CRACD: variants seen among roughly 807,000 people sequenced by gnomAD.
The protein encoded by CRACD is capping protein inhibiting regulator of actin dynamics.
A neutral mutation model predicts 106.8 loss-of-function variants in CRACD; 56 were observed. The observed-to-expected ratio is 0.52, with a 90% confidence interval of 0.42 to 0.66. CRACD has a LOEUF of 0.66. Among genes scored for constraint, CRACD ranks in the 30% least tolerant of loss-of-function variants. The probability of loss-of-function intolerance (pLI) is 0.00; values close to 1 mark genes in which losing one functional copy is unlikely to be tolerated. For missense variants in CRACD, 1,730 were observed against 1,623.2 expected, an observed-to-expected ratio of 1.07 and a Z score of -1.13; for synonymous variants, 754 against 670.8, an observed-to-expected ratio of 1.12 and a Z score of -1.92.
In CRACD at chr4:56,261,358, C is replaced by CT. The variant is rs527665539; in HGVS notation, c.-188-10961dup. On this transcript the variant is annotated intron_variant, in intron 2 of 10. Transcript: ENST00000682029. ...TCCGCCTCTGTTACTGCTTCTTCTT[C>CT]TTCTTTTTTTTTTTTTTGAGACAGA... 1.7e-3 allele frequency among the ~76,000 whole-genome samples: 187 copies of CT among 112,770 alleles called. 9 individuals are homozygous for CT. Among genetic ancestry groups the CT allele is most frequent in the Middle Eastern group, 5.6e-3 (1 of 180 alleles). The allele number at this position is 112,770 out of a possible 152,430, so 74.0% of individuals were successfully genotyped here.
Position 56,328,170 on chromosome 4 carries a change from G to C in CRACD, c.*366G>C. The C allele has an allele frequency of 2.6e-6, 1 of 389,650 alleles. No individual in the cohort carries two copies. Among genetic ancestry groups the C allele is most frequent in the Non-Finnish European group, 5.0e-6 (1 of 198,874 alleles). The allele number at this position is 389,650 out of a possible 1,614,324, so 24.1% of individuals were successfully genotyped here. ...GTACTTTTGCCAACCTTTGGTAATGGTTTTTTGATTCTATGCACTAATTTT... is the reference window on the plus strand; with the variant it reads ...GTACTTTTGCCAACCTTTGGTAATGCTTTTTTGATTCTATGCACTAATTTT... On this transcript the variant is annotated 3_prime_UTR_variant, in exon 11 of 11. Transcript: ENST00000682029.
At position 56,326,785 on chromosome 4, in the gene CRACD, G is replaced by C. The variant is rs144267739; in HGVS notation, c.3542-859G>C. Among the ~76,000 whole-genome samples the C allele has an allele frequency of 3.4e-5, 5 of 148,390 alleles. No homozygotes were observed. The East Asian group carries it at 5.9e-4, about 18-fold the overall frequency. On this transcript the variant is annotated intron_variant, in intron 10 of 10. Coordinates refer to ENST00000682029, the MANE Select transcript of CRACD (RefSeq NM_001393381.1). ...AGCAGAGTCTCTCTCTGTCACCCATGCTGGAGTGCAGTGGTGCGATGTCGA... is the reference window on the plus strand; with the variant it reads ...AGCAGAGTCTCTCTCTGTCACCCATCCTGGAGTGCAGTGGTGCGATGTCGA...
chr4:56,242,982 G>A (rs1341680038), intron 2 of CRACD, among the ~76,000 whole-genome samples: 1 of 152,172 alleles, frequency 6.6e-6, no homozygotes, highest in Admixed American at 6.5e-5. Context: ...AAATCCTGTA[G>A]ATACTGTCAT....
intron 2 of CRACD, among the ~76,000 whole-genome samples, chr4:56,186,025 G>A (rs1275922293): frequency 6.6e-6 from 1 of 152,178 alleles, no homozygotes; most frequent in African/African-American, 2.4e-5. Flanking sequence ...TGGTGAAATA[G>A]AGGCTGCTCC....
At chr4:56,313,478 C>A in intron 7 of CRACD, 99 bp downstream of exon 7, 1 of 1,047,232 alleles carries the variant, frequency 9.5e-7, no homozygotes, top group Non-Finnish European at 1.4e-6. Context: ...ATGTAAAGAC[C>A]TGAGAGTCTC....
chr4:56,070,301 A>ATTTT (rs56087277), intron 1 of CRACD, among the ~76,000 whole-genome samples: 42 of 133,570 alleles, frequency 3.1e-4, no homozygotes, highest in African/African-American at 1.0e-3. Context: ...GTCCTTGCCC[A>ATTTT]TTTTTTTTTT....
At chr4:56,089,891 A>G (rs568209779) in intron 1 of CRACD, among the ~76,000 whole-genome samples, 1 of 152,190 alleles carries the variant, frequency 6.6e-6, no homozygotes, top group Non-Finnish European at 1.5e-5. Flanking sequence ...AGGAGGTTTT[A>G]TCAACCATTA....
chr4:56,291,148 G>C (rs1560520919), intron 3 of CRACD, among the ~76,000 whole-genome samples: 1 of 152,208 alleles, frequency 6.6e-6, no homozygotes, highest in Non-Finnish European at 1.5e-5. Context: ...CACCTGGCAA[G>C]TCCATTTTCT....
intron 2 of CRACD, among the ~76,000 whole-genome samples, chr4:56,197,133 T>C (rs1338326609): frequency 6.6e-6 from 1 of 152,180 alleles, no homozygotes; most frequent in Non-Finnish European, 1.5e-5. Flanking sequence ...TCCTAAAATA[T>C]ATGTTTTTAT....
At chr4:56,106,406 G>A (rs1288656953) in intron 1 of CRACD, among the ~76,000 whole-genome samples, 4 of 152,150 alleles carry the variant, frequency 2.6e-5, no homozygotes, top group African/African-American at 9.7e-5. Flanking sequence ...AATAAACTCT[G>A]GAGACTGCTA....
intron 1 of CRACD, among the ~76,000 whole-genome samples, chr4:56,057,464 T>C (rs1732114880): frequency 6.6e-6 from 1 of 152,194 alleles, no homozygotes; most frequent in Non-Finnish European, 1.5e-5. Context: ...ATTTATAATG[T>C]AGATGTTTAG....
chr4:56,243,519 A>G lies in CRACD; in HGVS notation c.-188-28802A>G, dbSNP rs568378227. Among the ~76,000 whole-genome samples, 144 of 152,326 alleles carry G rather than the reference A, an allele frequency of 9.5e-4. 1 individual carries two copies. The highest frequency in any genetic ancestry group is 3.4e-3 in the Middle Eastern group (1 of 294). On this transcript the variant is annotated intron_variant, in intron 2 of 10. Transcript: ENST00000682029. Reference sequence around the variant, plus strand: ...AGTCTATAAACAAATACACTATATTAAAAAACAAAACACCTGGCTTTTTGC... The same window carrying G: ...AGTCTATAAACAAATACACTATATTGAAAAACAAAACACCTGGCTTTTTGC...
At chr4:56,127,656 G>T (rs1577680395) in intron 1 of CRACD, among the ~76,000 whole-genome samples, 3 of 152,290 alleles carry the variant, frequency 2.0e-5, no homozygotes, top group Admixed American at 2.0e-4. Flanking sequence ...AGCATCCTCT[G>T]TTGTATAGCA....
At chr4:56,073,737 G>C (rs1732742486) in intron 1 of CRACD, among the ~76,000 whole-genome samples, 1 of 152,148 alleles carries the variant, frequency 6.6e-6, no homozygotes, top group South Asian at 2.1e-4. Flanking sequence ...TTTGGCTTTT[G>C]TTGCCATTGC....
chr4:56,176,914 G>A (rs1334337221), intron 1 of CRACD, among the ~76,000 whole-genome samples: 1 of 152,074 alleles, frequency 6.6e-6, no homozygotes, highest in East Asian at 1.9e-4. Flanking sequence ...TGTTAATTTT[G>A]TATTCTGCAA....
chr4:56,105,269 C>T (rs1050084256), intron 1 of CRACD, among the ~76,000 whole-genome samples: 4 of 152,258 alleles, frequency 2.6e-5, no homozygotes, highest in East Asian at 1.9e-4. Context: ...GAGGCCAAGG[C>T]GGGTGGATCA....
intron 2 of CRACD, among the ~76,000 whole-genome samples, chr4:56,221,965 A>G (rs10011785): frequency 0.2 from 30,047 of 152,240 alleles, 3,222 homozygotes; most frequent in Non-Finnish European, 0.24. Context: ...TACACCCTCC[A>G]TAGAAAACAG....
intron 8 of CRACD, among the ~76,000 whole-genome samples, chr4:56,319,555 G>A (rs141266059): frequency 6.0e-4 from 91 of 151,474 alleles, no homozygotes; most frequent in Non-Finnish European, 1.1e-3. Flanking sequence ...AGTGAGCTGC[G>A]ATCTCACCAC....
intron 1 of CRACD, among the ~76,000 whole-genome samples, chr4:56,136,707 G>T (rs973321253): frequency 1.3e-5 from 2 of 152,058 alleles, no homozygotes; most frequent in African/African-American, 4.8e-5. Flanking sequence ...CTTCTGGCTT[G>T]CCTTTTCATG....
Sources: allele counts gnomAD v4.1 joint callset (sites outside exome capture counted in the v4.1 genomes callset), GRCh38; gene constraint gnomAD v4.1.1; transcripts MANE v1.5; gene names NCBI Gene and HGNC (gene_info 2026-07-23, HGNC 2026-07-21).